Variants in ENTPD7 observed in about 807,000 individuals in gnomAD.
The protein encoded by ENTPD7 is NTPDase 7.
A neutral mutation model predicts 77.9 loss-of-function variants in ENTPD7; 53 were observed. The ratio of observed to expected loss-of-function variants is 0.68; its 90% CI spans 0.55 to 0.85. The LOEUF (loss-of-function observed/expected upper bound fraction) is 0.85. Ranked by LOEUF, ENTPD7 falls within the 40% of genes least tolerant of loss-of-function variation. The pLI is 0.00. For synonymous variants in ENTPD7, 248 were observed against 274.9 expected, an observed-to-expected ratio of 0.90 and a Z score of 0.97; for missense variants, 636 against 743.7, an observed-to-expected ratio of 0.86 and a Z score of 1.68.
chr10:99,710,415 G>A lies in ENTPD7; in HGVS notation c.*5732G>A, dbSNP rs1246732089. The A allele has an allele frequency of 2.8e-5, 28 of 985,106 alleles. No individual in the cohort carries two copies. Among genetic ancestry groups the A allele is most frequent in the South Asian group, 9.4e-5 (2 of 21,280 alleles). The allele number at this position is 985,106 out of a possible 1,614,324, so 61.0% of individuals were successfully genotyped here. On this transcript the variant is annotated 3_prime_UTR_variant, in exon 13 of 13. Coordinates refer to ENST00000370489, the MANE Select transcript of ENTPD7 (RefSeq NM_020354.5). ...TTCTACCTTGATCAATGGCCTCTGCGGAGTGTAGTGAAAGACATCTTTTTA... is the reference window on the plus strand; with the variant it reads ...TTCTACCTTGATCAATGGCCTCTGCAGAGTGTAGTGAAAGACATCTTTTTA...
chr10:99,698,496 C>A (rs774378844), intron 9 of ENTPD7, 38 bp from the exon 10 acceptor site: 1 of 1,472,892 alleles, frequency 6.8e-7, no homozygotes, highest in Non-Finnish European at 9.4e-7. Context: ...ACAGGCATGA[C>A]GTGTTTGTTT....
At chr10:99,663,871 G>GTTT (rs1420091142) in intron 3 of ENTPD7, among the ~76,000 whole-genome samples, 1 of 151,994 alleles carries the variant, frequency 6.6e-6, no homozygotes, top group Non-Finnish European at 1.5e-5. Context: ...TGTTGTTGTT[G>GTTT]TTCTCCCCTG....
intron 11 of ENTPD7, among the ~76,000 whole-genome samples, chr10:99,701,623 A>C (rs2036131228): frequency 2.0e-5 from 3 of 152,188 alleles, no homozygotes; most frequent in South Asian, 4.2e-4. Context: ...TATTATAGAT[A>C]ATATCAAACA....
Position 99,709,204 on chromosome 10 carries a change from T to TTC in ENTPD7, c.*4522_*4523insCT. 1 of 985,446 alleles carries TTC rather than the reference T, an allele frequency of 1.0e-6. No individual in the cohort carries two copies. The highest frequency in any genetic ancestry group is 1.2e-6 in the Non-Finnish European group (1 of 829,916). 61.0% of individuals were successfully genotyped at this position (985,446 alleles called of 1,614,324 possible). On this transcript the variant is annotated 3_prime_UTR_variant, in exon 13 of 13. Transcript: ENST00000370489. ...ACATCTACCTCATTAAAGAACTTCG[T>TTC]TGTAATTCTTGGGCAGTTTCCAGAC... is the stretch of plus-strand genomic sequence containing the variant.
chr10:99,682,294 C>T (rs555671881), intron 5 of ENTPD7, among the ~76,000 whole-genome samples: 4 of 151,666 alleles, frequency 2.6e-5, no homozygotes, highest in Non-Finnish European at 5.9e-5. Flanking sequence ...ACATGTAGGG[C>T]TCCAAGGCTT....
chr10:99,677,359 CTTTTTTT>C (rs560338561), intron 3 of ENTPD7, among the ~76,000 whole-genome samples: 1 of 93,806 alleles, frequency 1.1e-5, no homozygotes, highest in Admixed American at 1.3e-4. Context: ...GGGCAGATAG[CTTTTTTT>C]TTTTTTTTTT....
chr10:99,700,810 AG>A, intron 10 of ENTPD7, 162 bp from the exon 11 acceptor site: 2 of 677,510 alleles, frequency 3.0e-6, no homozygotes, highest in Middle Eastern at 2.5e-4. Context: ...GGGAATAAAC[AG>A]GGGTATGACG....
At chr10:99,702,366 G>T in intron 11 of ENTPD7, 146 bp from the exon 12 acceptor site, 1 of 593,260 alleles carries the variant, frequency 1.7e-6, no homozygotes, top group Non-Finnish European at 2.8e-6. Context: ...GGCTGACTTA[G>T]AAATAACCCA....
rs61677107 is a variant in ENTPD7 at position 99,684,993 on chromosome 10, C to T, written c.549-799C>T. ...TTAATTGTGGCTGGGCAAGGTGACT[C>T]ACACCTGTAATCCCAGCACTTTGGG... On this transcript the variant is annotated intron_variant, in intron 5 of 12. Transcript: ENST00000370489. Among the ~76,000 whole-genome samples, 199 of 152,294 alleles carry T rather than the reference C, an allele frequency of 1.3e-3. 1 individual carries two copies. The highest frequency in any genetic ancestry group is 4.7e-3 in the African/African-American group (195 of 41,558).
chr10:99,696,185 A>C, intron 9 of ENTPD7, 63 bp downstream of exon 9: 1 of 1,568,244 alleles, frequency 6.4e-7, no homozygotes, highest in Non-Finnish European at 8.7e-7. Context: ...ATTAGGGAGA[A>C]ATACTCACAT....
At chr10:99,661,654 T>A in intron 3 of ENTPD7, 26 bp downstream of exon 3, 1 of 1,572,082 alleles carries the variant, frequency 6.4e-7, no homozygotes, top group Non-Finnish European at 8.6e-7. Context: ...ATTTTGGCAC[T>A]CAAGTCATAA....
At chr10:99,701,968 G>A (rs2036142414) in intron 11 of ENTPD7, among the ~76,000 whole-genome samples, 1 of 151,996 alleles carries the variant, frequency 6.6e-6, no homozygotes, top group Admixed American at 6.5e-5. Flanking sequence ...AGAATTGCTT[G>A]AACCCAGGAG....
chr10:99,707,791 C>T lies in ENTPD7; in HGVS notation c.*3108C>T, dbSNP rs2036281828. Among the ~76,000 whole-genome samples the T allele has an allele frequency of 6.6e-6, 1 of 152,072 alleles. No homozygotes were observed. The highest frequency in any genetic ancestry group is 2.4e-5 in the African/African-American group (1 of 41,398). On this transcript the variant is annotated 3_prime_UTR_variant, in exon 13 of 13. Transcript: ENST00000370489. ...ACATAATGAAAAATATGTAAAATAC[C>T]CATTTATGTGGCATTTCATTCACTT...
At chr10:99,703,172 G>T (rs116637762) in intron 12 of ENTPD7, among the ~76,000 whole-genome samples, 4 of 152,286 alleles carry the variant, frequency 2.6e-5, no homozygotes, top group African/African-American at 7.2e-5. Context: ...TTTTAGTGGG[G>T]CTACTTTCAT....
intron 3 of ENTPD7, among the ~76,000 whole-genome samples, chr10:99,676,103 T>G (rs1164683455): frequency 6.6e-6 from 1 of 152,166 alleles, no homozygotes; most frequent in African/African-American, 2.4e-5. Context: ...TGTAACAGAT[T>G]GAATACGGAA....
chr10:99,669,176 C>T (rs997380156), intron 3 of ENTPD7, among the ~76,000 whole-genome samples: 1 of 151,866 alleles, frequency 6.6e-6, no homozygotes, highest in Non-Finnish European at 1.5e-5. Flanking sequence ...CTGTCCTAGG[C>T]CCATTCATTG....
chr10:99,704,271 C>G (rs1016514782), intron 12 of ENTPD7, among the ~76,000 whole-genome samples, 181 bp from the exon 13 acceptor site: 1 of 152,140 alleles, frequency 6.6e-6, no homozygotes, highest in African/African-American at 2.4e-5. Context: ...AAGGAAGACA[C>G]AGAAGGGCTC....
rs574710744 is a variant in ENTPD7 at position 99,679,148 on chromosome 10, T to G, written c.192-113T>G. On this transcript the variant is annotated intron_variant, in intron 3 of 12. Transcript: ENST00000370489. ...TCATTGGTTAGGACTGGTAGTCCCA[T>G]GTGCTTAGCACATGTAGGCACTTAA... The G allele has an allele frequency of 9.4e-6, 9 of 954,102 alleles. No individual in the cohort carries two copies. In the South Asian group the frequency reaches 1.5e-4, roughly 16 times the overall value. The allele number at this position is 954,102 out of a possible 1,614,324, so 59.1% of individuals were successfully genotyped here.
intron 11 of ENTPD7, 46 bp from the exon 12 acceptor site, chr10:99,702,466 G>T: frequency 1.4e-6 from 2 of 1,471,708 alleles, no homozygotes; most frequent in South Asian, 1.4e-5. Flanking sequence ...GAAAGTATTA[G>T]AATTCTTTTC....
Sources: allele counts gnomAD v4.1 joint callset (sites outside exome capture counted in the v4.1 genomes callset), GRCh38; gene constraint gnomAD v4.1.1; transcripts MANE v1.5; gene names NCBI Gene and HGNC (gene_info 2026-07-23, HGNC 2026-07-21).